Variants in RBM10 observed in about 807,000 individuals in gnomAD.
The protein encoded by RBM10 is RNA binding motif protein 10, also known as RNA-binding protein 10.
RBM10 carries 1 observed loss-of-function variant against 84.9 expected under a neutral mutation model. The observed-to-expected ratio is 0.01, with a 90% CI of 0.00 to 0.06. RBM10 has a LOEUF of 0.06. Ranked by LOEUF, RBM10 falls within the 10% of genes least tolerant of loss-of-function variation. RBM10 has a pLI of 1.00. For synonymous variants in RBM10, 326 were observed against 344.5 expected (o/e 0.95, Z 0.60); for missense variants, 438 against 839.0 (o/e 0.52, Z 5.90).
intron 2 of RBM10, among the ~76,000 whole-genome samples, chrX:47,153,345 C>G (rs1252951717): frequency 1.8e-5 from 2 of 112,129 alleles, no homozygotes; most frequent in African/African-American, 6.5e-5. Flanking sequence ...GGATCCAGTC[C>G]AAGATCATGT....
chrX:47,158,847 C>T (rs1556766037), intron 2 of RBM10, among the ~76,000 whole-genome samples: 1 of 112,281 alleles, frequency 8.9e-6, no homozygotes, highest in Non-Finnish European at 1.9e-5. Flanking sequence ...TAGTGATCCC[C>T]AATGTCTGAT....
chrX:47,184,815 G>A lies in RBM10; in HGVS notation c.1951-240G>A, dbSNP rs782362005. On this transcript the variant is annotated intron_variant, in intron 17 of 23. Transcript: ENST00000377604. ...CTTGGTGTGATGGGAGGCGAAGGAAGGGTTTTAAGGACATTGTATTTGGGG... is the reference window on the plus strand; with the variant it reads ...CTTGGTGTGATGGGAGGCGAAGGAAAGGTTTTAAGGACATTGTATTTGGGG... Among the ~76,000 whole-genome samples the A allele has an allele frequency of 6.2e-4, 69 of 111,525 alleles. No individual in the cohort carries two copies. The Middle Eastern group carries it at 0.014, about 22-fold the overall frequency.
At chrX:47,179,244 T>G (rs2147166206) in intron 8 of RBM10, 75 bp from the exon 9 acceptor site, 6 of 1,188,007 alleles carry the variant, frequency 5.1e-6, no homozygotes, top group Non-Finnish European at 6.8e-6. Flanking sequence ...TGCTCAGGGC[T>G]TGGTATAGGG....
Position 47,169,573 on chromosome X carries a change from C to T in RBM10, c.201+75C>T, listed in dbSNP as rs782381427. 6.0e-5 allele frequency: 62 copies of T among 1,028,312 alleles called. No individual in the cohort carries two copies. The East Asian group carries it at 1.9e-3, about 32-fold the overall frequency. 84.7% of individuals were successfully genotyped at this position (1,028,312 alleles called of 1,213,427 possible). The stretch of plus-strand genomic sequence containing the variant: ...GGCCCTCTGTGTCTGGCTGCAGCAC[C>T]GTGTGCAGGCAGCTCTCCACTCCCG... On this transcript the variant is annotated intron_variant, in intron 3 of 23. Transcript: ENST00000377604.
chrX:47,169,144 T>A (rs1440252653), intron 2 of RBM10, among the ~76,000 whole-genome samples, 171 bp from the exon 3 acceptor site: 1 of 111,742 alleles, frequency 8.9e-6, no homozygotes, highest in Non-Finnish European at 1.9e-5. Flanking sequence ...CAGAGCTAAG[T>A]CATGGTGGTA....
chrX:47,183,405 C>T (rs987567041), intron 17 of RBM10, among the ~76,000 whole-genome samples: 10 of 110,524 alleles, frequency 9.0e-5, no homozygotes, highest in African/African-American at 3.3e-4. Flanking sequence ...CCTGTAATCC[C>T]GGCTACTCAG....
chrX:47,175,012 T>C lies in RBM10; in HGVS notation c.503-7T>C. 1.7e-6 allele frequency: 2 copies of C among 1,208,066 alleles called. No individual in the cohort carries two copies. Among genetic ancestry groups the C allele is most frequent in the Non-Finnish European group, 2.2e-6 (2 of 892,821 alleles). On this transcript the variant is annotated splice_region_variant and splice_polypyrimidine_tract_variant and intron_variant, in intron 5 of 23. Coordinates refer to ENST00000377604, the MANE Select transcript of RBM10 (RefSeq NM_005676.5). ...CCACTGCGTCTGTATCTGAATGCTG[T>C]CTCCAGGTCAGAGCCGGGGCTTCGC...
intron 2 of RBM10, among the ~76,000 whole-genome samples, chrX:47,161,532 T>TAGA (rs1933687784): frequency 1.9e-5 from 1 of 52,024 alleles, no homozygotes; most frequent in African/African-American, 1.1e-4. Context: ...TTTTTTTTTT[T>TAGA]TAGTGAGAGA....
chrX:47,182,134 C>T lies in RBM10; in HGVS notation c.1786-28C>T, dbSNP rs782074663. The stretch of plus-strand genomic sequence containing the variant: ...GTTCCCTTCACAAGGTCTTCCCTCA[C>T]ATCCCCTCTTCCCTCCTCCTCCCTC... On this transcript the variant is annotated intron_variant, in intron 16 of 23. Coordinates refer to ENST00000377604, the MANE Select transcript of RBM10 (RefSeq NM_005676.5). The T allele has an allele frequency of 5.8e-6, 7 of 1,209,792 alleles. No individual in the cohort carries two copies. In the South Asian group the frequency reaches 1.2e-4, roughly 21 times the overall value.
At chrX:47,155,556 C>A (rs5952420) in intron 2 of RBM10, among the ~76,000 whole-genome samples, 2 of 106,792 alleles carry the variant, frequency 1.9e-5, no homozygotes, top group Non-Finnish European at 3.8e-5. Flanking sequence ...CACAGTGAAA[C>A]CCCATCTCTA....
intron 2 of RBM10, among the ~76,000 whole-genome samples, chrX:47,152,817 GT>G (rs1260041013): frequency 1.1e-5 from 1 of 87,130 alleles, no homozygotes; most frequent in Non-Finnish European, 2.2e-5. Flanking sequence ...ACACACACAC[GT>G]TTTTTTTAAT....
Position 47,175,263 on chromosome X carries a change from G to A in RBM10, c.576+171G>A, listed in dbSNP as rs782612132. On this transcript the variant is annotated intron_variant, in intron 6 of 23. Coordinates refer to ENST00000377604, the MANE Select transcript of RBM10 (RefSeq NM_005676.5). ...TCACTATCTCCTCTTCCCATCTCTC[G>A]CTACCCCACTGGGCTTCTCATCCAG... Among the ~76,000 whole-genome samples, 3 of 84,720 alleles carry A rather than the reference G, an allele frequency of 3.5e-5. No homozygotes were observed. In the East Asian group the frequency reaches 1.2e-3, roughly 35 times the overall value. 73.6% of individuals were successfully genotyped at this position (84,720 alleles called of 115,157 possible).
intron 2 of RBM10, among the ~76,000 whole-genome samples, chrX:47,150,438 G>C (rs1932738079): frequency 8.9e-6 from 1 of 112,144 alleles, no homozygotes; most frequent in African/African-American, 3.2e-5. Flanking sequence ...AAAATGCTAG[G>C]ATTACAGGTG....
chrX:47,185,805 G>C lies in RBM10; in HGVS notation c.2430+15G>C, dbSNP rs368785748. 3 of 1,208,393 alleles carry C rather than the reference G, an allele frequency of 2.5e-6. No individual in the cohort carries two copies. Among genetic ancestry groups the C allele is most frequent in the East Asian group, 3.0e-5 (1 of 33,802 alleles). ...ATGACATGGAGGTGAGGTGTGACCTGACCCTGGGCTCCCTCCCCTGTGTCC... is the reference window on the plus strand; with the variant it reads ...ATGACATGGAGGTGAGGTGTGACCTCACCCTGGGCTCCCTCCCCTGTGTCC... On this transcript the variant is annotated intron_variant, in intron 21 of 23. Transcript: ENST00000377604.
intron 2 of RBM10, chrX:47,157,349 T>C (rs1372686869): frequency 3.1e-6 from 1 of 323,874 alleles, no homozygotes; most frequent in African/African-American, 2.6e-5. Context: ...AGGGTGGCTG[T>C]ATGCCATTCA....
At chrX:47,175,764 G>T (rs1390558242) in intron 6 of RBM10, among the ~76,000 whole-genome samples, 1 of 111,004 alleles carries the variant, frequency 9.0e-6, no homozygotes, top group Non-Finnish European at 1.9e-5. Context: ...AGTCAGCCCT[G>T]GGGGGAGCCT....
intron 3 of RBM10, among the ~76,000 whole-genome samples, chrX:47,170,053 C>T (rs782207660): frequency 1.8e-5 from 2 of 113,143 alleles, no homozygotes; most frequent in African/African-American, 3.2e-5. Context: ...GAGCCCCCAC[C>T]CGAGGGGAAG....
At chrX:47,172,785 C>T (rs1556773997) in intron 4 of RBM10, among the ~76,000 whole-genome samples, 1 of 112,444 alleles carries the variant, frequency 8.9e-6, no homozygotes, top group Non-Finnish European at 1.9e-5. Context: ...TGGCTGCCAG[C>T]GAGCCCTTTG....
At chrX:47,167,022 A>G (rs988335067) in intron 2 of RBM10, among the ~76,000 whole-genome samples, 1 of 109,245 alleles carries the variant, frequency 9.2e-6, no homozygotes, top group East Asian at 2.9e-4. Flanking sequence ...TGATCCGCCT[A>G]CCTCACCCTC....
Sources: allele counts gnomAD v4.1 joint callset (sites outside exome capture counted in the v4.1 genomes callset), GRCh38; gene constraint gnomAD v4.1.1; transcripts MANE v1.5; gene names NCBI Gene and HGNC (gene_info 2026-07-23, HGNC 2026-07-21).